MLLT6: variants seen among roughly 807,000 people sequenced by gnomAD.
The protein encoded by MLLT6 is protein AF-17.
In MLLT6, 22 loss-of-function variants were observed where a neutral mutation model predicts 103.0. The observed-to-expected ratio is 0.21, with a 90% CI of 0.15 to 0.31. The LOEUF (loss-of-function observed/expected upper bound fraction) is 0.31. Among genes scored for constraint, MLLT6 ranks in the 10% least tolerant of loss-of-function variants. The pLI is 1.00. For missense variants in MLLT6, 1,199 were observed against 1,441.7 expected (o/e 0.83, Z 2.73); for synonymous variants, 606 against 623.5 (o/e 0.97, Z 0.42).
At chr17:38,718,138 G>A (rs926444369) in intron 12 of MLLT6, 185 bp downstream of exon 12, 1 of 509,302 alleles carries the variant, frequency 2.0e-6, no homozygotes, top group African/African-American at 2.0e-5. Context: ...ACTTTGGGAG[G>A]CCGAGGCGGG....
intron 16 of MLLT6, among the ~76,000 whole-genome samples, chr17:38,721,399 ACCC>A (rs560827982): frequency 1.3e-5 from 2 of 152,112 alleles, no homozygotes; most frequent in Non-Finnish European, 2.9e-5. Context: ...TACTACTGTT[ACCC>A]CCCAGCTTAC....
At chr17:38,723,303 C>T (rs1905858384) in intron 18 of MLLT6, among the ~76,000 whole-genome samples, 1 of 152,172 alleles carries the variant, frequency 6.6e-6, no homozygotes, top group South Asian at 2.1e-4. Flanking sequence ...AGTTTGAGAT[C>T]AGCCTGGGCA....
In MLLT6 at chr17:38,709,802, C is replaced by T. The variant is rs1905082064; in HGVS notation, c.552+227C>T. ...CTGTCCCAAAAGACAAAGCTCAGAC[C>T]CTGCCTGTCAGAGTCTAGGAGGCTT... On this transcript the variant is annotated intron_variant, in intron 6 of 19. Coordinates refer to ENST00000621332, the MANE Select transcript of MLLT6 (RefSeq NM_005937.4). This position sits in a 1 kb window ranked among gnomAD's most constrained non-coding sequence, Gnocchi z 4.3. 6.6e-6 allele frequency among the ~76,000 whole-genome samples: 1 copy of T among 152,204 alleles called. No homozygotes were observed. Among genetic ancestry groups the T allele is most frequent in the Non-Finnish European group, 1.5e-5 (1 of 68,026 alleles).
At position 38,727,257 on chromosome 17, in the gene MLLT6, T is replaced by C. The variant is rs1466999299; in HGVS notation, c.*1659T>C. ...TTTTTTTTTCTGATACTGAAAATAA[T>C]ATTAATATTCCTGTTGATAAGACTT... On this transcript the variant is annotated 3_prime_UTR_variant, in exon 20 of 20. Transcript: ENST00000621332. The C allele has an allele frequency of 1.3e-5, 3 of 230,618 alleles. No homozygotes were observed. The highest frequency in any genetic ancestry group is 6.7e-5 in the African/African-American group (3 of 44,842). The allele number at this position is 230,618 out of a possible 1,614,324, so 14.3% of individuals were successfully genotyped here.
rs900464003 is a variant in MLLT6 at position 38,727,860 on chromosome 17, G to A, written c.*2262G>A. ...AGAAGAGTTGCTCATTCACACCCAC[G>A]CCCTTGCCCAAGGCTGGCCCACTTA... On this transcript the variant is annotated 3_prime_UTR_variant, in exon 20 of 20. Coordinates refer to ENST00000621332, the MANE Select transcript of MLLT6 (RefSeq NM_005937.4). 1 of 233,040 alleles carries A rather than the reference G, an allele frequency of 4.3e-6. No individual in the cohort carries two copies. The highest frequency in any genetic ancestry group is 8.5e-6 in the Non-Finnish European group (1 of 117,906). The allele number at this position is 233,040 out of a possible 1,614,324, so 14.4% of individuals were successfully genotyped here.
chr17:38,715,941 T>G (rs1208898642), intron 9 of MLLT6, 113 bp downstream of exon 9: 3 of 965,620 alleles, frequency 3.1e-6, no homozygotes, highest in Non-Finnish European at 4.6e-6. Context: ...TCTCCATTGG[T>G]TCAGGATAAA....
At position 38,712,802 on chromosome 17, in the gene MLLT6, A is replaced by C; in HGVS notation, c.819+13A>C. The C allele has an allele frequency of 6.3e-7, 1 of 1,591,444 alleles. No homozygotes were observed. The highest frequency in any genetic ancestry group is 8.6e-7 in the Non-Finnish European group (1 of 1,160,028). On this transcript the variant is annotated intron_variant, in intron 8 of 19. Coordinates refer to ENST00000621332, the MANE Select transcript of MLLT6 (RefSeq NM_005937.4). ...CACTGCTGACAAGGTACTGCTGCCC[A>C]CCTTCAGGAGGGATGGTGTGTGGGT...
chr17:38,712,491 C>T (rs1014992070), intron 7 of MLLT6, among the ~76,000 whole-genome samples, 200 bp from the exon 8 acceptor site: 2 of 152,154 alleles, frequency 1.3e-5, no homozygotes, highest in African/African-American at 2.4e-5. Flanking sequence ...GCAGGCGGGG[C>T]CGGGGGAAGG....
chr17:38,728,760 G>C lies in MLLT6; in HGVS notation c.*3162G>C, dbSNP rs1303819840. 8.5e-5 allele frequency: 20 copies of C among 234,756 alleles called. No homozygotes were observed. The highest frequency in any genetic ancestry group is 1.6e-4 in the Non-Finnish European group (19 of 118,946). The allele number at this position is 234,756 out of a possible 1,614,324, so 14.5% of individuals were successfully genotyped here. A position where few individuals can be genotyped will look rare whatever the true frequency, so the allele number is the denominator to read the frequency against. On this transcript the variant is annotated 3_prime_UTR_variant, in exon 20 of 20. Coordinates refer to ENST00000621332, the MANE Select transcript of MLLT6 (RefSeq NM_005937.4). ...CAACATGGTCTCCACATGGCTGGCT[G>C]GCTGGCTGTCCCTGTGTGTGTGTGA...
At position 38,729,113 on chromosome 17, in the gene MLLT6, C is replaced by T; in HGVS notation, c.*3515C>T. The T allele has an allele frequency of 4.3e-6, 1 of 233,364 alleles. No homozygotes were observed. The highest frequency in any genetic ancestry group is 8.5e-6 in the Non-Finnish European group (1 of 118,142). 14.5% of individuals were successfully genotyped at this position (233,364 alleles called of 1,614,324 possible). On this transcript the variant is annotated 3_prime_UTR_variant, in exon 20 of 20. Transcript: ENST00000621332. ...AGGGGCCAGCTCCGAGAAAGGGTAA[C>T]CTCCACGCTTCTCTCTCCCAAATTG...
chr17:38,705,933 A>G, intron 1 of MLLT6, 192 bp downstream of exon 1: 1 of 262,764 alleles, frequency 3.8e-6, no homozygotes, highest in Non-Finnish European at 7.1e-6. Flanking sequence ...TTTCTTGCCT[A>G]TTGTTCCAGT....
chr17:38,710,115 A>G (rs1432025255), intron 6 of MLLT6, among the ~76,000 whole-genome samples: 1 of 152,190 alleles, frequency 6.6e-6, no homozygotes, highest in Non-Finnish European at 1.5e-5. Flanking sequence ...CCTGCCAAAC[A>G]GAGAAACGAG....
In MLLT6 at chr17:38,719,582, A is replaced by T. The variant is rs996058528; in HGVS notation, c.2008A>T (p.Met670Leu). ...GTSPQESLSS[M>L]SPISSLPALF... ...CTCCCCTCAGGAGAGTCTGTCTTCC[A>T]TGTGAGGGAAGGGGCAGCCTGGAGG... Residue 670 changes from methionine (M) to leucine (L), a missense_variant and splice_region_variant, in exon 13 of 20, where the codon ATG becomes TTG. This residue lies in a region of MLLT6 where 1,034 missense variants were observed against 1,091.5 expected (regional missense o/e 0.95). Coordinates refer to ENST00000621332, the MANE Select transcript of MLLT6 (RefSeq NM_005937.4). The T allele has an allele frequency of 1.2e-6, 2 of 1,606,220 alleles. No homozygotes were observed. Among genetic ancestry groups the T allele is most frequent in the Non-Finnish European group, 1.7e-6 (2 of 1,176,062 alleles).
intron 18 of MLLT6, among the ~76,000 whole-genome samples, chr17:38,723,016 A>G (rs113508442): frequency 8.2e-4 from 125 of 152,146 alleles, no homozygotes; most frequent in African/African-American, 2.7e-3. Context: ...CATCCTGGTG[A>G]AAGACTCTGG....
chr17:38,723,838 G>C (rs1040316929), intron 18 of MLLT6, among the ~76,000 whole-genome samples: 2 of 151,494 alleles, frequency 1.3e-5, no homozygotes, highest in Non-Finnish European at 2.9e-5. Context: ...CGCCTCCCGG[G>C]TTCAAGGGAT....
intron 7 of MLLT6, 100 bp downstream of exon 7, chr17:38,712,114 C>T (rs1477352384): frequency 3.6e-6 from 5 of 1,389,508 alleles, no homozygotes; most frequent in Non-Finnish European, 4.7e-6. Flanking sequence ...AAGGTCTTGG[C>T]CCTGCCTTCT....
At chr17:38,714,755 A>G (rs1905263973) in intron 8 of MLLT6, 1 of 152,440 alleles carries the variant, frequency 6.6e-6, no homozygotes, top group Non-Finnish European at 1.5e-5. Flanking sequence ...AAAATAAATT[A>G]AGAAAAAACA....
chr17:38,707,719 C>T, intron 3 of MLLT6, 44 bp from the exon 4 acceptor site: 1 of 1,344,902 alleles, frequency 7.4e-7, no homozygotes, highest in Non-Finnish European at 1.1e-6. Flanking sequence ...GGTGGAGTCT[C>T]CGGCTTGCCA....
chr17:38,724,499 A>G lies in MLLT6; in HGVS notation c.2884-121A>G. The G allele has an allele frequency of 1.4e-6, 1 of 697,914 alleles. No homozygotes were observed. The highest frequency in any genetic ancestry group is 2.4e-6 in the Non-Finnish European group (1 of 416,466). 43.2% of individuals were successfully genotyped at this position (697,914 alleles called of 1,614,324 possible). ...TGCGAGACAGTACCTTGACTGTCTC[A>G]CAGGCCTCTTGCCTCCTGATTCCAG... On this transcript the variant is annotated intron_variant, in intron 18 of 19. Coordinates refer to ENST00000621332, the MANE Select transcript of MLLT6 (RefSeq NM_005937.4). This position sits in a 1 kb window ranked among gnomAD's most constrained non-coding sequence, Gnocchi z 5.4.
Sources: gnomAD v4.1 joint callset for allele counts (sites outside exome capture counted in the v4.1 genomes callset) on GRCh38, gnomAD v4.1.1 for gene constraint, gnomAD v4.1.1 regional missense constraint, Gnocchi (gnomAD v3.1) non-coding constraint, MANE v1.5 for transcripts, NCBI Gene and HGNC (gene_info 2026-07-23, HGNC 2026-07-21) for gene names.